The following PDE4D variants were observed in gnomAD, a reference collection of about 807,000 sequenced individuals.
PDE4D encodes the protein phosphodiesterase 4D.
Under a neutral mutation model 87.4 loss-of-function variants are expected in PDE4D, and 24 were observed. The observed-to-expected ratio is 0.27, with a 90% confidence interval of 0.20 to 0.39. The LOEUF is 0.39. PDE4D is among the 10% of genes least tolerant of loss of function. The pLI is 1.00. For missense variants in PDE4D, 714 were observed against 1,041.0 expected, an observed-to-expected ratio of 0.69 and a Z score of 4.32; for synonymous variants, 384 against 383.2, an observed-to-expected ratio of 1.00 and a Z score of -0.02.
intron 5 of PDE4D, among the ~76,000 whole-genome samples, chr5:59,087,154 G>A (rs1015877872): frequency 4.6e-5 from 7 of 152,060 alleles, no homozygotes; most frequent in Non-Finnish European, 8.8e-5. Context: ...GGCACATTAC[G>A]CAGAAAATGC....
At chr5:60,494,046 G>T (rs1188393532) in intron 1 of PDE4D, among the ~76,000 whole-genome samples, 1 of 152,118 alleles carries the variant, frequency 6.6e-6, no homozygotes, top group Non-Finnish European at 1.5e-5. Flanking sequence ...AGGCTTATCG[G>T]ACCCACAGAC....
intron 3 of PDE4D, among the ~76,000 whole-genome samples, chr5:59,910,910 G>T (rs1208690997): frequency 6.6e-6 from 1 of 152,152 alleles, no homozygotes; most frequent in African/African-American, 2.4e-5. Flanking sequence ...ACTAACTGAA[G>T]GATTATCATA....
chr5:59,065,288 G>C (rs536069956), intron 5 of PDE4D, among the ~76,000 whole-genome samples: 1 of 152,088 alleles, frequency 6.6e-6, no homozygotes, highest in Non-Finnish European at 1.5e-5. Context: ...TAGTCAAACT[G>C]ATGGAAGCAG....
At chr5:59,829,585 C>T (rs1740869874) in intron 1 of PDE4D, among the ~76,000 whole-genome samples, 1 of 151,984 alleles carries the variant, frequency 6.6e-6, no homozygotes, top group Admixed American at 6.6e-5. Flanking sequence ...TTTTGGTTAA[C>T]CACAAAGAAC....
intron 3 of PDE4D, among the ~76,000 whole-genome samples, chr5:59,926,801 T>C (rs1026583589): frequency 2.0e-5 from 3 of 152,104 alleles, no homozygotes; most frequent in African/African-American, 7.2e-5. Context: ...CCTAGACACA[T>C]ACAACCTACC....
intron 1 of PDE4D, among the ~76,000 whole-genome samples, chr5:59,595,700 T>C (rs936078225): frequency 1.3e-5 from 2 of 152,334 alleles, no homozygotes; most frequent in East Asian, 3.9e-4. Context: ...ACTCTTGTGA[T>C]GAATTTTTAC....
intron 1 of PDE4D, among the ~76,000 whole-genome samples, chr5:59,889,463 A>G (rs1311053536): frequency 6.6e-6 from 1 of 152,114 alleles, no homozygotes; most frequent in East Asian, 1.9e-4. Flanking sequence ...CCTGGGTGAC[A>G]GAGCGAGACC....
intron 1 of PDE4D, among the ~76,000 whole-genome samples, chr5:60,202,082 C>T (rs1282788894): frequency 6.6e-6 from 1 of 152,152 alleles, no homozygotes; most frequent in Non-Finnish European, 1.5e-5. Flanking sequence ...TTTTATTTCT[C>T]TAAGGGTGAG....
intron 1 of PDE4D, among the ~76,000 whole-genome samples, chr5:59,553,722 C>T (rs1206989862): frequency 6.6e-6 from 1 of 151,918 alleles, no homozygotes; most frequent in Non-Finnish European, 1.5e-5. Context: ...TTATTGTATG[C>T]CACTGAGAAA....
chr5:60,443,391 G>A (rs1745394798), intron 1 of PDE4D, among the ~76,000 whole-genome samples: 1 of 152,122 alleles, frequency 6.6e-6, no homozygotes, highest in Non-Finnish European at 1.5e-5. Flanking sequence ...AATGATGTCT[G>A]CAAACAAAGA....
At chr5:59,700,196 T>C (rs1752365908) in intron 1 of PDE4D, among the ~76,000 whole-genome samples, 1 of 152,246 alleles carries the variant, frequency 6.6e-6, no homozygotes, top group Admixed American at 6.5e-5. Context: ...TTACAGTCTC[T>C]ATTGTTTCTG....
intron 2 of PDE4D, among the ~76,000 whole-genome samples, chr5:60,122,609 C>T (rs749974452): frequency 1.1e-4 from 17 of 152,260 alleles, no homozygotes; most frequent in Non-Finnish European, 1.2e-4. Flanking sequence ...GCACACAGCA[C>T]GGGGACCCTG....
intron 3 of PDE4D, among the ~76,000 whole-genome samples, chr5:59,189,139 GT>G (rs560515767): frequency 1.5e-3 from 226 of 150,592 alleles, no homozygotes; most frequent in African/African-American, 5.3e-3. Flanking sequence ...ATATTCTATA[GT>G]ATTAATAACT....
At chr5:60,247,566 A>G (rs532212320) in intron 1 of PDE4D, among the ~76,000 whole-genome samples, 3 of 151,978 alleles carry the variant, frequency 2.0e-5, no homozygotes, top group Middle Eastern at 3.4e-3. Context: ...AAAATATATA[A>G]TAATTATAGG....
chr5:59,434,058 GT>G (rs1796477215), intron 1 of PDE4D, among the ~76,000 whole-genome samples: 1 of 144,708 alleles, frequency 6.9e-6, no homozygotes, highest in African/African-American at 2.5e-5. Flanking sequence ...TCCTAAAGAA[GT>G]CTCATCTTTA....
chr5:59,362,170 A>G (rs1782328593), intron 1 of PDE4D, among the ~76,000 whole-genome samples: 1 of 152,224 alleles, frequency 6.6e-6, no homozygotes, highest in South Asian at 2.1e-4. Flanking sequence ...AAACATTCTG[A>G]AAACTGGACA....
chr5:59,164,058 CA>C (rs1781539761), intron 5 of PDE4D, among the ~76,000 whole-genome samples: 1 of 152,148 alleles, frequency 6.6e-6, no homozygotes, highest in African/African-American at 2.4e-5. Context: ...AGATGGAGAA[CA>C]AAACCTTCCA....
At chr5:59,692,713 T>C (rs1485532727) in intron 1 of PDE4D, among the ~76,000 whole-genome samples, 1 of 152,150 alleles carries the variant, frequency 6.6e-6, no homozygotes, top group East Asian at 1.9e-4. Context: ...GAAGCACATT[T>C]AAATGCATCG....
At chr5:59,969,000 CCG>C (rs201700324) in intron 3 of PDE4D, among the ~76,000 whole-genome samples, 2,756 of 135,482 alleles carry the variant, frequency 0.02, 88 homozygotes, top group African/African-American at 0.067. Context: ...CACCCCCCCC[CCG>C]AAAAAAAGAG....
Sources: allele counts gnomAD v4.1 joint callset (sites outside exome capture counted in the v4.1 genomes callset), GRCh38; gene constraint gnomAD v4.1.1; transcripts MANE v1.5; gene names NCBI Gene and HGNC (gene_info 2026-07-23, HGNC 2026-07-21).